Variants in SLC17A5 observed in about 807,000 individuals in gnomAD.
SLC17A5 encodes solute carrier family 17 member 5.
A neutral mutation model predicts 59.4 loss-of-function variants in SLC17A5; 47 were observed. The observed-to-expected ratio is 0.79, with a 90% CI of 0.63 to 1.01. The LOEUF is 1.01. Ranked by LOEUF, SLC17A5 falls within the 50% of genes least tolerant of loss-of-function variation. The probability of loss-of-function intolerance (pLI) is 0.00; values close to 1 mark genes in which losing one functional copy is unlikely to be tolerated. For synonymous variants in SLC17A5, 202 were observed against 210.7 expected (o/e 0.96, Z 0.36); for missense variants, 522 against 595.5 (o/e 0.88, Z 1.28).
chr6:73,614,633 T>C (rs1767776452), intron 8 of SLC17A5, among the ~76,000 whole-genome samples: 1 of 152,114 alleles, frequency 6.6e-6, no homozygotes, highest in South Asian at 2.1e-4. Context: ...GGAGAGGGGC[T>C]GAAGGTTGAG....
chr6:73,640,731 T>A (rs1769236068), intron 3 of SLC17A5, among the ~76,000 whole-genome samples: 1 of 151,846 alleles, frequency 6.6e-6, no homozygotes, highest in African/African-American at 2.4e-5. Flanking sequence ...TTATTAAGTA[T>A]GGGGGTACAC....
At chr6:73,618,110 T>C (rs1445460155) in intron 7 of SLC17A5, among the ~76,000 whole-genome samples, 1 of 151,586 alleles carries the variant, frequency 6.6e-6, no homozygotes, top group Non-Finnish European at 1.5e-5. Flanking sequence ...ACACCTGAAA[T>C]CTCAGGTACT....
chr6:73,650,054 G>A (rs141270092), intron 1 of SLC17A5, among the ~76,000 whole-genome samples: 376 of 152,154 alleles, frequency 2.5e-3, no homozygotes, highest in Middle Eastern at 0.014. Flanking sequence ...GGAATCGAGA[G>A]TATTGGCAAG....
At chr6:73,627,960 G>A (rs1027369102) in intron 6 of SLC17A5, among the ~76,000 whole-genome samples, 3 of 147,952 alleles carry the variant, frequency 2.0e-5, no homozygotes, top group South Asian at 2.1e-4. Context: ...TCGCTCTGTC[G>A]CACAGGCTGG....
At position 73,594,701 on chromosome 6, in the gene SLC17A5, C is replaced by A. The variant is rs565533700; in HGVS notation, c.*376G>T. On this transcript the variant is annotated 3_prime_UTR_variant, in exon 11 of 11. Coordinates refer to ENST00000355773, the MANE Select transcript of SLC17A5 (RefSeq NM_012434.5). ...TGACAATTTTTATGAGGAAAGTGAACAACAACAGGTGTTTATCAGTACCTG... is the reference window on the plus strand; with the variant it reads ...TGACAATTTTTATGAGGAAAGTGAAAAACAACAGGTGTTTATCAGTACCTG... 18 of 244,602 alleles carry A rather than the reference C, an allele frequency of 7.4e-5. No homozygotes were observed. In the South Asian group the frequency reaches 8.2e-4, roughly 11 times the overall value. 15.2% of individuals were successfully genotyped at this position (244,602 alleles called of 1,614,324 possible).
intron 6 of SLC17A5, among the ~76,000 whole-genome samples, chr6:73,627,495 T>C (rs1768484535): frequency 6.6e-6 from 1 of 152,152 alleles, no homozygotes; most frequent in Non-Finnish European, 1.5e-5. Context: ...CTTTTTTTGA[T>C]GTTCTGGATC....
rs982342717 is a variant in SLC17A5 at position 73,594,247 on chromosome 6, T to G, written c.*830A>C. 2.0e-5 allele frequency: 3 copies of G among 152,216 alleles called. No individual in the cohort carries two copies. Among genetic ancestry groups the G allele is most frequent in the Non-Finnish European group, 4.4e-5 (3 of 68,088 alleles). 9.4% of individuals were successfully genotyped at this position (152,216 alleles called of 1,614,324 possible). On this transcript the variant is annotated 3_prime_UTR_variant, in exon 11 of 11. Transcript: ENST00000355773. Reference sequence around the variant, plus strand: ...GCTGGCCAGGCTGGTCTCGAACTCCTGATCTCATGATTCGCCCACCTCAGC... The same window carrying G: ...GCTGGCCAGGCTGGTCTCGAACTCCGGATCTCATGATTCGCCCACCTCAGC...
At chr6:73,623,374 T>G (rs1262013130) in intron 6 of SLC17A5, among the ~76,000 whole-genome samples, 2 of 147,198 alleles carry the variant, frequency 1.4e-5, no homozygotes, top group Non-Finnish European at 3.0e-5. Flanking sequence ...CTTGCTCTAT[T>G]GCCCAGGCTG....
At chr6:73,633,776 A>T (rs1482962578) in intron 6 of SLC17A5, among the ~76,000 whole-genome samples, 1 of 151,842 alleles carries the variant, frequency 6.6e-6, no homozygotes, top group Non-Finnish European at 1.5e-5. Context: ...GCAACTCAGG[A>T]GGCTGAGGCA....
At chr6:73,621,301 G>A (rs1217632187) in intron 7 of SLC17A5, among the ~76,000 whole-genome samples, 1 of 152,128 alleles carries the variant, frequency 6.6e-6, no homozygotes, top group Non-Finnish European at 1.5e-5. Flanking sequence ...GACCGCGCCT[G>A]GCCTTTTTTG....
chr6:73,610,592 T>C, intron 8 of SLC17A5, 45 bp from the exon 9 acceptor site: 1 of 1,602,708 alleles, frequency 6.2e-7, no homozygotes, highest in East Asian at 2.2e-5. Context: ...CCAGCATTAA[T>C]ATTTGCTCTA....
intron 4 of SLC17A5, among the ~76,000 whole-genome samples, chr6:73,637,078 C>CAAAAAAA (rs201154792): frequency 1.3e-5 from 1 of 78,064 alleles, no homozygotes. Context: ...GACCCTGGCT[C>CAAAAAAA]AAAAAAAAAA....
Position 73,636,720 on chromosome 6 carries a change from A to T in SLC17A5, c.614-13T>A. On this transcript the variant is annotated splice_polypyrimidine_tract_variant and intron_variant, in intron 4 of 10. Coordinates refer to ENST00000355773, the MANE Select transcript of SLC17A5 (RefSeq NM_012434.5). Reference sequence around the variant, plus strand: ...CCAAGCTGTGCTCCTAGAACAACACATAAGACTATTTTATAAACTTTGGAG... The same window carrying T: ...CCAAGCTGTGCTCCTAGAACAACACTTAAGACTATTTTATAAACTTTGGAG... The T allele has an allele frequency of 6.4e-7, 1 of 1,570,772 alleles. No individual in the cohort carries two copies. Among genetic ancestry groups the T allele is most frequent in the Non-Finnish European group, 8.8e-7 (1 of 1,140,542 alleles).
chr6:73,623,650 A>T, intron 6 of SLC17A5, among the ~76,000 whole-genome samples: 1 of 146,758 alleles, frequency 6.8e-6, no homozygotes, highest in East Asian at 2.0e-4. Flanking sequence ...ATTTATTTTA[A>T]GTGTCTTTTA....
intron 9 of SLC17A5, among the ~76,000 whole-genome samples, chr6:73,603,162 G>A (rs1767228432): frequency 6.6e-6 from 1 of 151,606 alleles, no homozygotes; most frequent in Non-Finnish European, 1.5e-5. Context: ...TTGAGACGGA[G>A]TCTCTGTCGC....
intron 1 of SLC17A5, chr6:73,653,484 G>C (rs1328599053): frequency 7.1e-6 from 7 of 984,784 alleles, no homozygotes; most frequent in Non-Finnish European, 8.4e-6. Flanking sequence ...GCTCAGCGCC[G>C]GCTGCACCGC....
At chr6:73,619,222 A>T (rs1768020665) in intron 7 of SLC17A5, among the ~76,000 whole-genome samples, 1 of 152,156 alleles carries the variant, frequency 6.6e-6, no homozygotes. Flanking sequence ...AAAGATCAAG[A>T]GCCCTGAAGT....
intron 8 of SLC17A5, among the ~76,000 whole-genome samples, chr6:73,614,376 C>A (rs1280184966): frequency 2.0e-5 from 3 of 152,184 alleles, no homozygotes; most frequent in South Asian, 2.1e-4. Context: ...AATTCAAGAC[C>A]AGACGGGGCA....
rs370139311 is a variant in SLC17A5 at position 73,600,320 on chromosome 6, T to G, written c.1350+31A>C. The stretch of plus-strand genomic sequence containing the variant: ...GACACAGATGTGCAGCTCCAAAACC[T>G]TTCCAGTTTACAAGTAAATTATCTA... On this transcript the variant is annotated intron_variant, in intron 10 of 10. Coordinates refer to ENST00000355773, the MANE Select transcript of SLC17A5 (RefSeq NM_012434.5). 40 of 1,523,832 alleles carry G rather than the reference T, an allele frequency of 2.6e-5. No homozygotes were observed. In the African/African-American group the frequency reaches 5.2e-4, roughly 20 times the overall value. 94.4% of individuals were successfully genotyped at this position (1,523,832 alleles called of 1,614,324 possible).
Sources: gnomAD v4.1 joint callset for allele counts (sites outside exome capture counted in the v4.1 genomes callset) on GRCh38, gnomAD v4.1.1 for gene constraint, MANE v1.5 for transcripts, NCBI Gene and HGNC (gene_info 2026-07-23, HGNC 2026-07-21) for gene names.